Variants in NFATC1 observed in about 807,000 individuals in gnomAD.
The protein encoded by NFATC1 is nuclear factor of activated T-cells, cytoplasmic 1.
In NFATC1, 22 loss-of-function variants were observed where a neutral mutation model predicts 76.0. That is an observed-to-expected ratio of 0.29 (90% CI 0.21 to 0.41). The LOEUF is 0.41. Among genes scored for constraint, NFATC1 ranks in the 10% least tolerant of loss-of-function variants. The pLI is 1.00. For missense variants in NFATC1, 1,357 were observed against 1,337.7 expected (o/e 1.01, Z -0.23); for synonymous variants, 704 against 613.1 (o/e 1.15, Z -2.19).
chr18:79,497,384 C>A (rs1007831217), intron 9 of NFATC1: 1 of 152,058 alleles, frequency 6.6e-6, no homozygotes, highest in East Asian at 2.0e-4. Context: ...AGCCCCGAGG[C>A]GCACAGCCGT....
intron 9 of NFATC1, chr18:79,497,637 C>T (rs1035494620): frequency 6.6e-6 from 1 of 151,920 alleles, no homozygotes; most frequent in Non-Finnish European, 1.5e-5. Context: ...TGGAGATTCC[C>T]GGGCACATAC....
At chr18:79,449,968 T>C (rs2087390352) in intron 4 of NFATC1, among the ~76,000 whole-genome samples, 1 of 152,246 alleles carries the variant, frequency 6.6e-6, no homozygotes, top group Admixed American at 6.5e-5. Context: ...CACCTGGGAA[T>C]TCATTCCAAA....
chr18:79,412,573 T>C (rs1021689422), intron 2 of NFATC1, among the ~76,000 whole-genome samples: 1 of 152,110 alleles, frequency 6.6e-6, no homozygotes, highest in Non-Finnish European at 1.5e-5. Context: ...GTGAGGGTGC[T>C]CTGGGAGGAC....
chr18:79,503,155 C>T (rs933373505), intron 9 of NFATC1, among the ~76,000 whole-genome samples: 9 of 152,184 alleles, frequency 5.9e-5, no homozygotes, highest in African/African-American at 9.7e-5. Context: ...GTACTGAGCA[C>T]CCCAGGACTC....
intron 2 of NFATC1, among the ~76,000 whole-genome samples, chr18:79,418,953 C>T (rs555319695): frequency 1.3e-5 from 2 of 152,304 alleles, no homozygotes; most frequent in Admixed American, 1.3e-4. Context: ...GTTACTCTGT[C>T]CATGTCTGTT....
chr18:79,449,037 G>T (rs1038754585), intron 4 of NFATC1, 53 bp downstream of exon 4: 1 of 1,567,802 alleles, frequency 6.4e-7, no homozygotes, highest in Non-Finnish European at 8.7e-7. Flanking sequence ...GAGGGGGCGT[G>T]CCTCCCTCCC....
intron 3 of NFATC1, among the ~76,000 whole-genome samples, chr18:79,434,602 G>C (rs1165742192): frequency 6.6e-6 from 1 of 152,248 alleles, no homozygotes; most frequent in Non-Finnish European, 1.5e-5. Flanking sequence ...CAGGCTACGC[G>C]GCAGCACAGA....
chr18:79,474,572 G>A (rs1376928127), intron 8 of NFATC1, among the ~76,000 whole-genome samples: 7 of 146,888 alleles, frequency 4.8e-5, no homozygotes, highest in African/African-American at 1.5e-4. Context: ...TCACGCTGTC[G>A]ACATAAACCT....
intron 2 of NFATC1, among the ~76,000 whole-genome samples, chr18:79,427,670 GTGT>G: frequency 8.7e-6 from 1 of 114,402 alleles, no homozygotes; most frequent in Non-Finnish European, 1.8e-5. Flanking sequence ...CCTCTGTGTG[GTGT>G]GGGGGCTGGA....
chr18:79,436,723 A>G (rs192717950), intron 3 of NFATC1, among the ~76,000 whole-genome samples: 6 of 151,560 alleles, frequency 4.0e-5, no homozygotes, highest in African/African-American at 1.5e-4. Flanking sequence ...GTGGGTGCTG[A>G]GGGGCGTGAG....
chr18:79,499,715 A>T (rs1461726610), intron 9 of NFATC1, among the ~76,000 whole-genome samples: 2 of 152,240 alleles, frequency 1.3e-5, no homozygotes, highest in Non-Finnish European at 2.9e-5. Flanking sequence ...TAATCAAAAG[A>T]GATATGGAGA....
At chr18:79,489,861 A>G (rs1408102785) in intron 9 of NFATC1, among the ~76,000 whole-genome samples, 1 of 152,172 alleles carries the variant, frequency 6.6e-6, no homozygotes, top group Non-Finnish European at 1.5e-5. Context: ...AGCCACACAC[A>G]AGCTTTCGGG....
intron 9 of NFATC1, among the ~76,000 whole-genome samples, chr18:79,487,230 G>T (rs913947896): frequency 6.6e-6 from 1 of 152,256 alleles, no homozygotes; most frequent in African/African-American, 2.4e-5. Flanking sequence ...GCTCACATTG[G>T]TGTCCAGGTT....
chr18:79,431,597 C>A (rs1462489361), intron 2 of NFATC1, among the ~76,000 whole-genome samples: 1 of 152,036 alleles, frequency 6.6e-6, no homozygotes, highest in African/African-American at 2.4e-5. Context: ...CTCCATGTTG[C>A]CCAGGCTGGT....
At chr18:79,427,536 TG>T (rs1555903682) in intron 2 of NFATC1, among the ~76,000 whole-genome samples, 1 of 5,954 alleles carries the variant, frequency 1.7e-4, no homozygotes, top group Non-Finnish European at 2.9e-4. Context: ...GTGCAGTGGG[TG>T]GGGGGAGCTG....
chr18:79,514,602 T>G (rs1306747399), intron 9 of NFATC1, among the ~76,000 whole-genome samples: 2 of 112,356 alleles, frequency 1.8e-5, no homozygotes, highest in Non-Finnish European at 3.7e-5. Flanking sequence ...CCAATCTCAC[T>G]CCCCACCCCC....
chr18:79,471,698 G>C (rs1224793538), intron 8 of NFATC1, among the ~76,000 whole-genome samples: 1 of 152,210 alleles, frequency 6.6e-6, no homozygotes, highest in African/African-American at 2.4e-5. Context: ...GTCCAGCTGA[G>C]GGTCATCCCG....
intron 6 of NFATC1, among the ~76,000 whole-genome samples, chr18:79,460,090 G>T (rs539633945): frequency 6.6e-6 from 1 of 152,304 alleles, no homozygotes; most frequent in Admixed American, 6.5e-5. Context: ...GGTAATTTGC[G>T]TGGGGACCTC....
At chr18:79,454,532 C>T (rs1600763879) in intron 6 of NFATC1, among the ~76,000 whole-genome samples, 1 of 152,108 alleles carries the variant, frequency 6.6e-6, no homozygotes, top group African/African-American at 2.4e-5. Context: ...GCCTGGGTGC[C>T]GGGTCCCTCT....
Sources: allele counts gnomAD v4.1 joint callset (sites outside exome capture counted in the v4.1 genomes callset), GRCh38; gene constraint gnomAD v4.1.1; transcripts MANE v1.5; gene names NCBI Gene and HGNC (gene_info 2026-07-23, HGNC 2026-07-21).